The following BMP6 variants were observed in gnomAD, a reference collection of about 807,000 sequenced individuals.
BMP6 encodes bone morphogenetic protein 6, also known as VG-1-R.
In BMP6, 17 loss-of-function variants were observed where a neutral mutation model predicts 54.1. The ratio of observed to expected loss-of-function variants is 0.31; its 90% CI spans 0.22 to 0.47. The LOEUF (loss-of-function observed/expected upper bound fraction) is 0.47, where lower values mean the gene tolerates loss of function less well. BMP6 is among the 20% of genes least tolerant of loss of function. BMP6 has a pLI of 1.00. For synonymous variants in BMP6, 328 were observed against 291.2 expected (o/e 1.13, Z -1.28); for missense variants, 720 against 690.4 (o/e 1.04, Z -0.48).
chr6:7,869,173 G>T (rs1055521704), intron 4 of BMP6, among the ~76,000 whole-genome samples: 2 of 152,180 alleles, frequency 1.3e-5, no homozygotes, highest in Non-Finnish European at 1.5e-5. Context: ...CAGCCTCCCC[G>T]CACAATGCCT....
chr6:7,822,297 G>A (rs1237050293), intron 1 of BMP6, among the ~76,000 whole-genome samples: 3 of 152,206 alleles, frequency 2.0e-5, no homozygotes, highest in African/African-American at 7.2e-5. Context: ...TGGGATTACA[G>A]GCGTGAGCCA....
intron 1 of BMP6, among the ~76,000 whole-genome samples, chr6:7,776,218 C>G (rs1431332218): frequency 6.6e-6 from 1 of 152,208 alleles, no homozygotes; most frequent in Non-Finnish European, 1.5e-5. Flanking sequence ...GATAGTTGCC[C>G]AAGTTATACA....
chr6:7,793,397 A>C (rs1230815856), intron 1 of BMP6, among the ~76,000 whole-genome samples: 1 of 152,228 alleles, frequency 6.6e-6, no homozygotes, highest in Non-Finnish European at 1.5e-5. Context: ...GATGGAGCCC[A>C]CATGATTTTT....
At chr6:7,828,841 G>A (rs925416030) in intron 1 of BMP6, among the ~76,000 whole-genome samples, 1 of 152,156 alleles carries the variant, frequency 6.6e-6, no homozygotes, top group African/African-American at 2.4e-5. Context: ...AGATGCCCCC[G>A]ATTAGGGACA....
chr6:7,782,908 C>T (rs1034784460), intron 1 of BMP6, among the ~76,000 whole-genome samples: 3 of 151,804 alleles, frequency 2.0e-5, no homozygotes, highest in Admixed American at 2.0e-4. Context: ...GCTGAGATCT[C>T]GGTAATATGA....
At chr6:7,823,165 C>T (rs1049508824) in intron 1 of BMP6, among the ~76,000 whole-genome samples, 6 of 152,110 alleles carry the variant, frequency 3.9e-5, no homozygotes, top group Non-Finnish European at 7.4e-5. Context: ...CCAAACATTT[C>T]CTGAGCATCT....
At position 7,880,639 on chromosome 6, in the gene BMP6, C is replaced by T; in HGVS notation, c.*296C>T. ...CTTCCTACCCTCCTCCCCCAAAAAC[C>T]CACCAAAATTAGTTTTAGCTGTAGA... On this transcript the variant is annotated 3_prime_UTR_variant, in exon 7 of 7. Coordinates refer to ENST00000283147, the MANE Select transcript of BMP6 (RefSeq NM_001718.6). 1 of 415,106 alleles carries T rather than the reference C, an allele frequency of 2.4e-6. No individual in the cohort carries two copies. Among genetic ancestry groups the T allele is most frequent in the South Asian group, 3.4e-5 (1 of 29,184 alleles). 25.7% of individuals were successfully genotyped at this position (415,106 alleles called of 1,614,324 possible). A position where few individuals can be genotyped will look rare whatever the true frequency, so the allele number is the denominator to read the frequency against.
intron 4 of BMP6, among the ~76,000 whole-genome samples, chr6:7,869,445 T>C (rs1759484920): frequency 1.3e-5 from 2 of 152,256 alleles, no homozygotes; most frequent in East Asian, 3.9e-4. Context: ...ACCCCTGCAT[T>C]GGGGGTATAG....
chr6:7,856,787 G>A (rs1461105526), intron 2 of BMP6, among the ~76,000 whole-genome samples: 18 of 150,624 alleles, frequency 1.2e-4, no homozygotes, highest in African/African-American at 4.4e-4. Context: ...TAGTAGAGAT[G>A]GGGTTTCACC....
chr6:7,744,463 G>T (rs376314932), intron 1 of BMP6, among the ~76,000 whole-genome samples: 5 of 152,058 alleles, frequency 3.3e-5, no homozygotes, highest in African/African-American at 1.2e-4. Context: ...GCAACAGAGT[G>T]AGACTCCATC....
intron 1 of BMP6, among the ~76,000 whole-genome samples, chr6:7,829,805 A>G (rs1758765736): frequency 6.6e-6 from 1 of 152,124 alleles, no homozygotes; most frequent in Non-Finnish European, 1.5e-5. Context: ...TCATATGTAG[A>G]TGTTACTACG....
chr6:7,742,404 A>C (rs1288301214), intron 1 of BMP6, among the ~76,000 whole-genome samples: 4 of 152,200 alleles, frequency 2.6e-5, no homozygotes, highest in African/African-American at 9.7e-5. Flanking sequence ...GTTGCAGAAT[A>C]CTTATCTTGT....
At chr6:7,763,824 C>T (rs1383313521) in intron 1 of BMP6, among the ~76,000 whole-genome samples, 2 of 152,196 alleles carry the variant, frequency 1.3e-5, no homozygotes, top group Non-Finnish European at 2.9e-5. Flanking sequence ...GTTTGCCCTC[C>T]ATGGTGACCT....
chr6:7,749,740 C>G (rs1440059184), intron 1 of BMP6, among the ~76,000 whole-genome samples: 2 of 152,174 alleles, frequency 1.3e-5, no homozygotes, highest in Non-Finnish European at 2.9e-5. Flanking sequence ...CTGGTTGATT[C>G]ATTGTGAAGG....
chr6:7,734,450 A>G (rs1761922546), intron 1 of BMP6, among the ~76,000 whole-genome samples: 1 of 152,368 alleles, frequency 6.6e-6, no homozygotes, highest in Non-Finnish European at 1.5e-5. Flanking sequence ...GCTGTTGGCC[A>G]GGCTGGAGTG....
At chr6:7,813,484 A>G (rs1461213694) in intron 1 of BMP6, among the ~76,000 whole-genome samples, 3 of 135,460 alleles carry the variant, frequency 2.2e-5, no homozygotes, top group Non-Finnish European at 4.7e-5. Flanking sequence ...AAAAAAAACT[A>G]TTTAAAAAAC....
At chr6:7,781,339 C>G (rs1757942805) in intron 1 of BMP6, among the ~76,000 whole-genome samples, 1 of 142,902 alleles carries the variant, frequency 7.0e-6, no homozygotes, top group African/African-American at 2.5e-5. Flanking sequence ...TTCATACGTA[C>G]CATGCCACTG....
intron 1 of BMP6, among the ~76,000 whole-genome samples, chr6:7,753,299 G>GA (rs1757454612): frequency 6.6e-6 from 1 of 152,114 alleles, no homozygotes; most frequent in Non-Finnish European, 1.5e-5. Flanking sequence ...AAGAGGAAAT[G>GA]AAAAAACAGA....
At chr6:7,876,941 TCTTC>T (rs1759630524) in intron 4 of BMP6, among the ~76,000 whole-genome samples, 1 of 152,190 alleles carries the variant, frequency 6.6e-6, no homozygotes, top group African/African-American at 2.4e-5. Flanking sequence ...GTTTTGGTAT[TCTTC>T]CTTTAGAGCT....
Sources: gnomAD v4.1 joint callset for allele counts (sites outside exome capture counted in the v4.1 genomes callset) on GRCh38, gnomAD v4.1.1 for gene constraint, MANE v1.5 for transcripts, NCBI Gene and HGNC (gene_info 2026-07-23, HGNC 2026-07-21) for gene names.